The following ADAM20 variants were observed in gnomAD, a reference collection of about 807,000 sequenced individuals.
ADAM20 encodes ADAM metallopeptidase domain 20.
For missense variants in ADAM20, 871 were observed against 883.2 expected (o/e 0.99, Z 0.18); for synonymous variants, 305 against 310.2 (o/e 0.98, Z 0.18).
intron 1 of ADAM20, among the ~76,000 whole-genome samples, chr14:70,530,841 T>C (rs1236370753): frequency 6.7e-6 from 1 of 149,560 alleles, no homozygotes; most frequent in African/African-American, 2.5e-5. Flanking sequence ...AAAGCAGTCC[T>C]AAAAGAGAAG....
At chr14:70,529,529 ATATTGGATAGCC>A (rs1235218674) in intron 1 of ADAM20, among the ~76,000 whole-genome samples, 8 of 152,208 alleles carry the variant, frequency 5.3e-5, no homozygotes, top group Admixed American at 2.0e-4. Context: ...CACCTGGGCT[ATATTGGATAGCC>A]TATTGTTCCT....
the ADAM20 span, among the ~76,000 whole-genome samples, chr14:70,572,668 A>C: frequency 6.6e-6 from 1 of 152,226 alleles, no homozygotes; most frequent in Non-Finnish European, 1.5e-5. Context: ...CAGCCAGCCT[A>C]CAGATGGGTG....
At chr14:70,536,420 C>A (rs1269352280), upstream of ADAM20, among the ~76,000 whole-genome samples, 1 of 118,224 alleles carries the variant, frequency 8.5e-6, no homozygotes, top group African/African-American at 3.3e-5. Context: ...GAGCCTAGAT[C>A]ACAACATTGC....
chr14:70,558,898 ATATCTTCCC>A, the ADAM20 span, among the ~76,000 whole-genome samples: 2 of 152,010 alleles, frequency 1.3e-5, no homozygotes, highest in South Asian at 2.1e-4. Flanking sequence ...CTATTATTTT[ATATCTTCCC>A]TATCTTCCCT....
At chr14:70,537,033 T>G (rs1883853167), upstream of ADAM20, among the ~76,000 whole-genome samples, 1 of 152,108 alleles carries the variant, frequency 6.6e-6, no homozygotes, top group Non-Finnish European at 1.5e-5. Flanking sequence ...ACTTTTCATG[T>G]TTCTTTTCTC....
the ADAM20 span, among the ~76,000 whole-genome samples, chr14:70,567,088 A>G: frequency 1.3e-5 from 2 of 152,160 alleles, no homozygotes; most frequent in Non-Finnish European, 1.5e-5. Context: ...GGGCAAAGCT[A>G]TCGGTGGTGA....
chr14:70,576,095 A>C, the ADAM20 span, among the ~76,000 whole-genome samples: 1 of 152,218 alleles, frequency 6.6e-6, no homozygotes, highest in Admixed American at 6.5e-5. Context: ...CAAAAAGTTT[A>C]AAAAGAATAA....
At chr14:70,526,180 A>G (rs1883586462) in intron 1 of ADAM20, among the ~76,000 whole-genome samples, 1 of 152,236 alleles carries the variant, frequency 6.6e-6, no homozygotes, top group South Asian at 2.1e-4. Flanking sequence ...TCACTTAAAA[A>G]TGTTGTTAAT....
At chr14:70,575,968 A>G in the ADAM20 span, among the ~76,000 whole-genome samples, 1 of 152,232 alleles carries the variant, frequency 6.6e-6, no homozygotes, top group Non-Finnish European at 1.5e-5. Context: ...TTAAAACTAC[A>G]TGTTAAGGAA....
chr14:70,576,914 A>G, the ADAM20 span, among the ~76,000 whole-genome samples: 1 of 152,234 alleles, frequency 6.6e-6, no homozygotes, highest in Non-Finnish European at 1.5e-5. Flanking sequence ...CAACCCAGTG[A>G]GACCAGAAAA....
the ADAM20 span, among the ~76,000 whole-genome samples, chr14:70,543,119 G>A: frequency 1.3e-5 from 2 of 152,128 alleles, no homozygotes; most frequent in Admixed American, 1.3e-4. Context: ...AAATTCTAGT[G>A]TTGCCTAATG....
In ADAM20 at chr14:70,522,673, T is replaced by A; in HGVS notation, c.2085A>T (p.Ser695=). 1 of 1,614,030 alleles carries A rather than the reference T, an allele frequency of 6.2e-7. No homozygotes were observed. Among genetic ancestry groups the A allele is most frequent in the East Asian group, 2.2e-5 (1 of 44,874 alleles). ...CAACCAAAGGAAGAAGGCACAATAG[T>A]GACAGGTAACGCAACTTTCCCATCA... The part of the protein sequence containing the change: ...LNVMGKLRYL[S]LLCLLPLVAF... The change falls in exon 2 of 2, where the codon TCA becomes TCT. Residue 695 remains serine (S), a synonymous_variant. Coordinates refer to ENST00000256389, the MANE Select transcript of ADAM20 (RefSeq NM_003814.5).
the ADAM20 span, among the ~76,000 whole-genome samples, chr14:70,560,110 A>G: frequency 5.9e-5 from 9 of 152,220 alleles, no homozygotes; most frequent in Non-Finnish European, 1.3e-4. Context: ...AAAAGCTGTG[A>G]ATAAAAAATA....
At chr14:70,575,244 C>T in the ADAM20 span, among the ~76,000 whole-genome samples, 1 of 151,702 alleles carries the variant, frequency 6.6e-6, no homozygotes, top group African/African-American at 2.4e-5. Context: ...ACTCAGGTTG[C>T]AATGCAGTGA....
chr14:70,541,518 G>C, the ADAM20 span, among the ~76,000 whole-genome samples: 2 of 151,728 alleles, frequency 1.3e-5, no homozygotes, highest in Non-Finnish European at 2.9e-5. Context: ...AATTATACAG[G>C]GTTAAAAAAA....
chr14:70,536,241 G>A (rs1013562452), upstream of ADAM20, among the ~76,000 whole-genome samples: 1 of 151,896 alleles, frequency 6.6e-6, no homozygotes, highest in African/African-American at 2.4e-5. Context: ...TGAGGCAGGT[G>A]GATCACCTGA....
At chr14:70,574,406 C>G in the ADAM20 span, among the ~76,000 whole-genome samples, 1 of 151,552 alleles carries the variant, frequency 6.6e-6, no homozygotes, top group African/African-American at 2.4e-5. Context: ...TTTGGGAGGC[C>G]GAGGTGGGCA....
chr14:70,556,002 C>T, the ADAM20 span, among the ~76,000 whole-genome samples: 9 of 152,352 alleles, frequency 5.9e-5, no homozygotes, highest in South Asian at 1.2e-3. Context: ...AGGCAGGGCT[C>T]CCTCCTCCGA....
Position 70,524,108 on chromosome 14 carries a change from T to C in ADAM20, c.650A>G (p.Asn217Ser). 6.2e-7 allele frequency: 1 copy of C among 1,613,870 alleles called. No individual in the cohort carries two copies. The highest frequency in any genetic ancestry group is 8.5e-7 in the Non-Finnish European group (1 of 1,179,942). The change falls in exon 2 of 2, where the codon AAT (asparagine) becomes AGT (serine). Residue 217 changes from asparagine (N) to serine (S), a missense_variant. Physicochemically the swap from Asn to Ser is conservative, Grantham distance 46. Coordinates refer to ENST00000256389, the MANE Select transcript of ADAM20 (RefSeq NM_003814.5). ...RFVELVVVVDNIRYLFSQSNA... is the reference protein window; with the variant it reads ...RFVELVVVVDSIRYLFSQSNA... The stretch of plus-strand genomic sequence containing the variant: ...ACTTTGAGAGAAAAGATATCTAATA[T>C]TATCCACGACCACTACCAGCTCAAC...
Sources: allele counts gnomAD v4.1 joint callset (sites outside exome capture counted in the v4.1 genomes callset), GRCh38; gene constraint gnomAD v4.1.1; transcripts MANE v1.5; gene names NCBI Gene and HGNC (gene_info 2026-07-23, HGNC 2026-07-21).